CSNK2A2IP: variants seen among roughly 807,000 people sequenced by gnomAD.
CSNK2A2IP encodes casein kinase II subunit alpha'-interacting protein.
chr3:88,384,901 C>T, the CSNK2A2IP span, among the ~76,000 whole-genome samples: 2 of 152,030 alleles, frequency 1.3e-5, no homozygotes, highest in Non-Finnish European at 2.9e-5. Context: ...AATAGTTTGT[C>T]AATTTCTGAG....
the CSNK2A2IP span, among the ~76,000 whole-genome samples, chr3:88,417,341 G>A: frequency 1.3e-5 from 2 of 152,094 alleles, no homozygotes; most frequent in Admixed American, 1.3e-4. Context: ...ACAGAAGGTC[G>A]CCTGGGAGCT....
chr3:88,422,433 G>A, the CSNK2A2IP span, among the ~76,000 whole-genome samples: 11 of 152,230 alleles, frequency 7.2e-5, no homozygotes, highest in East Asian at 3.9e-4. Context: ...CATTTAAAAA[G>A]TGATTTGCTC....
chr3:88,431,348 C>G, the CSNK2A2IP span: 1 of 152,154 alleles, frequency 6.6e-6, no homozygotes, highest in Non-Finnish European at 1.5e-5. Flanking sequence ...AGTGAGGTAA[C>G]TCAGGAATGG....
chr3:88,466,771 A>G, the CSNK2A2IP span: 2 of 860,112 alleles, frequency 2.3e-6, no homozygotes, highest in Non-Finnish European at 3.1e-6. Flanking sequence ...CTTGTCATCA[A>G]ATTATGTGGT....
the CSNK2A2IP span, among the ~76,000 whole-genome samples, chr3:88,459,832 T>C: frequency 3.3e-5 from 5 of 152,248 alleles, no homozygotes; most frequent in Non-Finnish European, 7.4e-5. Flanking sequence ...TGACAAAGTA[T>C]AGTGCTTCCT....
chr3:88,417,899 A>G, the CSNK2A2IP span, among the ~76,000 whole-genome samples: 3 of 152,298 alleles, frequency 2.0e-5, no homozygotes, highest in East Asian at 5.8e-4. Context: ...TAGAATATAA[A>G]CCATAAAATC....
At chr3:88,418,463 T>TGTGCACGCGC in the CSNK2A2IP span, among the ~76,000 whole-genome samples, 1 of 149,536 alleles carries the variant, frequency 6.7e-6, no homozygotes, top group East Asian at 2.0e-4. Context: ...TGTGTGTGTG[T>TGTGCACGCGC]GCGCGCGGGC....
the CSNK2A2IP span, among the ~76,000 whole-genome samples, chr3:88,464,072 C>A: frequency 6.7e-6 from 1 of 149,990 alleles, no homozygotes; most frequent in Non-Finnish European, 1.5e-5. Flanking sequence ...GACAAAAAAC[C>A]AAACACCACA....
At chr3:88,371,839 G>T in the CSNK2A2IP span, among the ~76,000 whole-genome samples, 1 of 151,680 alleles carries the variant, frequency 6.6e-6, no homozygotes, top group East Asian at 1.9e-4. Context: ...AGGGGACTAT[G>T]ATAAAATTAT....
At chr3:88,391,164 A>G in the CSNK2A2IP span, among the ~76,000 whole-genome samples, 1 of 152,090 alleles carries the variant, frequency 6.6e-6, no homozygotes, top group East Asian at 1.9e-4. Flanking sequence ...ATGTGTAGAT[A>G]TGTACATATA....
chr3:88,389,902 G>A, the CSNK2A2IP span, among the ~76,000 whole-genome samples: 1,499 of 151,860 alleles, frequency 9.9e-3, 21 homozygotes, highest in African/African-American at 0.035. Context: ...GTAATGGCTG[G>A]GTTCTGTTCA....
the CSNK2A2IP span, among the ~76,000 whole-genome samples, chr3:88,357,946 C>A: frequency 6.6e-6 from 1 of 151,968 alleles, no homozygotes; most frequent in Non-Finnish European, 1.5e-5. Context: ...AGGCTAGATT[C>A]AAATTCCTAA....
At chr3:88,421,116 C>T in the CSNK2A2IP span, among the ~76,000 whole-genome samples, 3 of 152,078 alleles carry the variant, frequency 2.0e-5, no homozygotes, top group Non-Finnish European at 4.4e-5. Context: ...TCTTTTTTAG[C>T]ATTAGATCCA....
the CSNK2A2IP span, among the ~76,000 whole-genome samples, chr3:88,361,128 T>C: frequency 6.6e-3 from 1,005 of 152,338 alleles, 12 homozygotes; most frequent in African/African-American, 0.023. Flanking sequence ...ATACTAAATT[T>C]ATGAGTTGTT....
chr3:88,385,275 A>T, the CSNK2A2IP span, among the ~76,000 whole-genome samples: 5 of 151,910 alleles, frequency 3.3e-5, no homozygotes, highest in Non-Finnish European at 5.9e-5. Flanking sequence ...GTGATATGGA[A>T]GGTGAGAGAG....
the CSNK2A2IP span, among the ~76,000 whole-genome samples, chr3:88,443,578 TAGAG>T: frequency 6.6e-6 from 1 of 152,042 alleles, no homozygotes; most frequent in African/African-American, 2.4e-5. Flanking sequence ...TCTTTAAAGA[TAGAG>T]AAACAGAAAT....
At chr3:88,395,084 C>T in the CSNK2A2IP span, among the ~76,000 whole-genome samples, 1 of 152,190 alleles carries the variant, frequency 6.6e-6, no homozygotes, top group Non-Finnish European at 1.5e-5. Context: ...CATTTGTGTG[C>T]ATGTGTGTTT....
chr3:88,449,822 C>T, the CSNK2A2IP span, among the ~76,000 whole-genome samples: 2 of 40,268 alleles, frequency 5.0e-5, no homozygotes, highest in Non-Finnish European at 1.3e-4. Context: ...TATATCGAGA[C>T]ACACACACAC....
At chr3:88,463,354 C>T in the CSNK2A2IP span, among the ~76,000 whole-genome samples, 1 of 151,962 alleles carries the variant, frequency 6.6e-6, no homozygotes, top group South Asian at 2.1e-4. Flanking sequence ...TATGAATTGC[C>T]TTTAAGAAGT....
Sources: gnomAD v4.1 joint callset for allele counts (sites outside exome capture counted in the v4.1 genomes callset) on GRCh38, gnomAD v4.1.1 for gene constraint, MANE v1.5 for transcripts, NCBI Gene and HGNC (gene_info 2026-07-23, HGNC 2026-07-21) for gene names.